TTLL9: variants seen among roughly 807,000 people sequenced by gnomAD.
TTLL9 encodes probable tubulin polyglutamylase TTLL9.
TTLL9 carries 47 observed loss-of-function variants against 65.6 expected under a neutral mutation model. The observed-to-expected ratio is 0.72, with a 90% CI of 0.57 to 0.91. TTLL9 has a LOEUF of 0.91. Among genes scored for constraint, TTLL9 ranks in the 40% least tolerant of loss-of-function variants. The pLI, the probability that TTLL9 is intolerant of heterozygous loss-of-function variation, is 0.00. For missense variants in TTLL9, 537 were observed against 568.8 expected, an observed-to-expected ratio of 0.94 and a Z score of 0.57; for synonymous variants, 179 against 204.8, an observed-to-expected ratio of 0.87 and a Z score of 1.07.
chr20:31,886,316 G>T (rs1291355522), intron 2 of TTLL9, among the ~76,000 whole-genome samples: 1 of 152,194 alleles, frequency 6.6e-6, no homozygotes, highest in African/African-American at 2.4e-5. Flanking sequence ...GACCAATTTC[G>T]ATTTCTCTCT....
chr20:31,900,396 G>A (rs2063460827), intron 4 of TTLL9, among the ~76,000 whole-genome samples: 1 of 152,196 alleles, frequency 6.6e-6, no homozygotes. Context: ...GATTTGCATT[G>A]AGTCTGCTGT....
rs1254451269 is a variant in TTLL9 at position 31,924,743 on chromosome 20, G to A, written c.665-266G>A. Among the ~76,000 whole-genome samples, 4 of 151,754 alleles carry A rather than the reference G, an allele frequency of 2.6e-5. No homozygotes were observed. The East Asian group carries it at 5.8e-4, about 22-fold the overall frequency. ...AGACTACAGATGTGCACCACCATGC[G>A]AGGCTAATTTTTTTGTAGACACAGA... On this transcript the variant is annotated intron_variant, in intron 8 of 14. Transcript: ENST00000535842.
chr20:31,923,729 T>A (rs1201807055), intron 8 of TTLL9, among the ~76,000 whole-genome samples: 1 of 152,176 alleles, frequency 6.6e-6, no homozygotes, highest in African/African-American at 2.4e-5. Flanking sequence ...CAGGCATGCC[T>A]GACATCATTG....
intron 6 of TTLL9, among the ~76,000 whole-genome samples, chr20:31,917,246 C>A (rs1269649226): frequency 6.6e-6 from 1 of 152,196 alleles, no homozygotes; most frequent in Non-Finnish European, 1.5e-5. Context: ...TCACAACCCC[C>A]CAAGGCACTA....
intron 4 of TTLL9, among the ~76,000 whole-genome samples, chr20:31,900,669 T>G (rs1172123929): frequency 6.6e-6 from 1 of 152,170 alleles, no homozygotes; most frequent in Non-Finnish European, 1.5e-5. Flanking sequence ...GGTTCTCTTG[T>G]GATCATGCTA....
intron 5 of TTLL9, 49 bp from the exon 6 acceptor site, chr20:31,909,688 C>G (rs373507888): frequency 6.4e-7 from 1 of 1,569,930 alleles, no homozygotes; most frequent in East Asian, 2.3e-5. Context: ...GGGAGGGGAG[C>G]GGGGCTGTGA....
chr20:31,900,592 G>T (rs769908933), intron 4 of TTLL9, among the ~76,000 whole-genome samples: 1 of 152,210 alleles, frequency 6.6e-6, no homozygotes. Context: ...GGGCTTTGGG[G>T]AATATTACAA....
At position 31,895,862 on chromosome 20, in the gene TTLL9, C is replaced by T. The variant is rs534750530; in HGVS notation, c.114-2611C>T. Among the ~76,000 whole-genome samples the T allele has an allele frequency of 6.3e-5, 9 of 143,716 alleles. 1 individual carries two copies. The highest frequency in any genetic ancestry group is 2.4e-4 in the African/African-American group (9 of 36,996). The allele number at this position is 143,716 out of a possible 152,430, so 94.3% of individuals were successfully genotyped here. A position where few individuals can be genotyped will look rare whatever the true frequency, so the allele number is the denominator to read the frequency against. ...TTATTTATTTATTTATTTATTGAGA[C>T]AGGGTCTCGCTCTCTTGCCCAGGCT... On this transcript the variant is annotated intron_variant, in intron 3 of 14. Transcript: ENST00000535842.
At chr20:31,887,062 G>A (rs1334795088) in intron 2 of TTLL9, 134 bp from the exon 3 acceptor site, 3 of 843,884 alleles carry the variant, frequency 3.6e-6, no homozygotes, top group Admixed American at 4.4e-5. Context: ...TGATCAGGCT[G>A]GACCTTCGTG....
At chr20:31,933,540 G>A (rs2064054968) in intron 10 of TTLL9, among the ~76,000 whole-genome samples, 1 of 152,162 alleles carries the variant, frequency 6.6e-6, no homozygotes. Flanking sequence ...AATCCTGTGA[G>A]GTCAATATAC....
At chr20:31,899,927 A>G (rs546631114) in intron 4 of TTLL9, among the ~76,000 whole-genome samples, 16 of 152,010 alleles carry the variant, frequency 1.1e-4, no homozygotes, top group African/African-American at 3.9e-4. Context: ...CGACCAGCTA[A>G]TTTTTTGTAT....
At chr20:31,921,356 C>A (rs1035628956) in intron 7 of TTLL9, among the ~76,000 whole-genome samples, 2 of 152,170 alleles carry the variant, frequency 1.3e-5, no homozygotes, top group Admixed American at 6.5e-5. Context: ...GAAATAGGAA[C>A]ACTTTTACAC....
At chr20:31,891,736 T>A (rs1010161848) in intron 3 of TTLL9, among the ~76,000 whole-genome samples, 1 of 152,244 alleles carries the variant, frequency 6.6e-6, no homozygotes, top group East Asian at 1.9e-4. Context: ...GTGAACCCAA[T>A]TGACTTTTGT....
chr20:31,939,169 G>C lies in TTLL9; in HGVS notation c.1146G>C (p.Gly382=), dbSNP rs755930948. The C allele has an allele frequency of 3.1e-6, 5 of 1,605,110 alleles. No individual in the cohort carries two copies. In the South Asian group the frequency reaches 4.5e-5, roughly 14 times the overall value. ...ARLTGREKRV[G]GFDLMWNDGP... is the part of the protein sequence containing the mutation. ...TCACGGGAAGGGAGAAGCGAGTCGG[G>C]GGCTTTGACCTCATGTGGAATGATG... The change falls in exon 14 of 15, where the codon GGG becomes GGC. Residue 382 remains glycine (G), a synonymous_variant. Transcript: ENST00000535842.
intron 5 of TTLL9, among the ~76,000 whole-genome samples, chr20:31,909,006 G>A (rs2063602544): frequency 6.6e-6 from 1 of 152,060 alleles, no homozygotes; most frequent in African/African-American, 2.4e-5. Flanking sequence ...TTTCAGGGTG[G>A]AGGCAAGTTG....
At chr20:31,922,920 G>A (rs916644575) in intron 7 of TTLL9, 43 bp from the exon 8 acceptor site, 39 of 1,520,596 alleles carry the variant, frequency 2.6e-5, no homozygotes, top group Non-Finnish European at 3.5e-5. Flanking sequence ...CACAGGAAAT[G>A]TTCCATAAAT....
intron 3 of TTLL9, among the ~76,000 whole-genome samples, chr20:31,889,527 A>T (rs2063251932): frequency 6.7e-6 from 1 of 149,192 alleles, no homozygotes; most frequent in Non-Finnish European, 1.5e-5. Context: ...GGTTCAAGTG[A>T]TTCTCCTGCC....
At chr20:31,892,466 G>A (rs373560231) in intron 3 of TTLL9, among the ~76,000 whole-genome samples, 1 of 152,110 alleles carries the variant, frequency 6.6e-6, no homozygotes, top group Non-Finnish European at 1.5e-5. Context: ...CACTGTGTTC[G>A]GCCCAACATT....
At chr20:31,933,768 C>A in intron 10 of TTLL9, 32 bp from the exon 11 acceptor site, 2 of 1,606,958 alleles carry the variant, frequency 1.2e-6, no homozygotes, top group South Asian at 2.2e-5. Context: ...CCTTTTTGTT[C>A]ACGCTGACCC....
Sources: allele counts gnomAD v4.1 joint callset (sites outside exome capture counted in the v4.1 genomes callset), GRCh38; gene constraint gnomAD v4.1.1; transcripts MANE v1.5; gene names NCBI Gene and HGNC (gene_info 2026-07-23, HGNC 2026-07-21).